The following TMEM9B variants were observed in gnomAD, a reference collection of about 807,000 sequenced individuals.
TMEM9B encodes transmembrane protein 9B.
Under a neutral mutation model 23.5 loss-of-function variants are expected in TMEM9B, and 8 were observed. The ratio of observed to expected loss-of-function variants is 0.34; its 90% confidence interval spans 0.20 to 0.61. The LOEUF is 0.61. Ranked by LOEUF, TMEM9B falls within the 20% of genes least tolerant of loss-of-function variation. The probability of loss-of-function intolerance (pLI) is 0.78; values close to 1 mark genes in which losing one functional copy is unlikely to be tolerated. For missense variants in TMEM9B, 197 were observed against 252.3 expected, an observed-to-expected ratio of 0.78 and a Z score of 1.49; for synonymous variants, 106 against 96.3, an observed-to-expected ratio of 1.10 and a Z score of -0.59.
At chr11:8,949,484 C>T (rs1162856090) in intron 4 of TMEM9B, among the ~76,000 whole-genome samples, 2 of 152,232 alleles carry the variant, frequency 1.3e-5, no homozygotes, top group East Asian at 3.8e-4. Flanking sequence ...ATCCAAGTCA[C>T]AAGTTGTACC....
At position 8,957,222 on chromosome 11, in the gene TMEM9B, C is replaced by T. The variant is rs1853991373; in HGVS notation, c.198-924G>A. Among the ~76,000 whole-genome samples the T allele has an allele frequency of 6.6e-6, 1 of 152,134 alleles. No individual in the cohort carries two copies. The highest frequency in any genetic ancestry group is 2.4e-5 in the African/African-American group (1 of 41,428). ...AACAAAAACTGGTTATTCCAAAGAA[C>T]TAAATAAAAACTAACAAAGGGATGA... is the stretch of plus-strand genomic sequence containing the variant. On this transcript the variant is annotated intron_variant, in intron 2 of 4. Transcript: ENST00000534025. This position sits in a 1 kb window ranked among gnomAD's most constrained non-coding sequence, Gnocchi z 4.3.
intron 4 of TMEM9B, among the ~76,000 whole-genome samples, chr11:8,950,164 A>C (rs1452907812): frequency 6.6e-6 from 1 of 152,208 alleles, no homozygotes; most frequent in East Asian, 1.9e-4. Flanking sequence ...GGCAGGCTAA[A>C]GTTATAGAAT....
At chr11:8,962,297 A>AG in intron 1 of TMEM9B, 114 bp from the exon 2 acceptor site, 1 of 651,164 alleles carries the variant, frequency 1.5e-6, no homozygotes, top group Non-Finnish European at 2.6e-6. Flanking sequence ...AGTATTCTAA[A>AG]ATCATTCATT....
At chr11:8,964,538 C>T (rs1364357565), upstream of TMEM9B, 2 of 1,315,468 alleles carry the variant, frequency 1.5e-6, no homozygotes, top group South Asian at 1.7e-5. Flanking sequence ...GCTGGGCAGT[C>T]CTGGTGCCCG....
intron 2 of TMEM9B, among the ~76,000 whole-genome samples, chr11:8,958,108 G>A (rs574563460): frequency 2.8e-5 from 4 of 141,758 alleles, no homozygotes; most frequent in South Asian, 2.4e-4. Context: ...ACGGTCAGCC[G>A]AGATCGTGCC....
chr11:8,962,196 T>C lies in TMEM9B; in HGVS notation c.106-13A>G, dbSNP rs2134877878. On this transcript the variant is annotated splice_polypyrimidine_tract_variant and intron_variant, in intron 1 of 4. Coordinates refer to ENST00000534025, the MANE Select transcript of TMEM9B (RefSeq NM_020644.3). ...CATCCTCGAAATTCTGTAACCAAAA[T>C]GGAAACAGTATAGTGCGTTGACAGT... 2 of 1,566,440 alleles carry C rather than the reference T, an allele frequency of 1.3e-6. No individual in the cohort carries two copies. The highest frequency in any genetic ancestry group is 1.7e-6 in the Non-Finnish European group (2 of 1,145,746).
chr11:8,962,655 C>G (rs1437341523), intron 1 of TMEM9B: 1 of 157,292 alleles, frequency 6.4e-6, no homozygotes, highest in Non-Finnish European at 1.4e-5. Context: ...CGGGTTGGGC[C>G]AGAGTCCCGT....
At chr11:8,954,374 C>T (rs1002418035) in intron 3 of TMEM9B, among the ~76,000 whole-genome samples, 1 of 151,902 alleles carries the variant, frequency 6.6e-6, no homozygotes, top group Non-Finnish European at 1.5e-5. Context: ...ACTGCAACCT[C>T]TGCCTCCAGG....
At chr11:8,958,136 G>C (rs1653670020) in intron 2 of TMEM9B, among the ~76,000 whole-genome samples, 1 of 129,370 alleles carries the variant, frequency 7.7e-6, no homozygotes, top group Non-Finnish European at 1.6e-5. Context: ...TCCAGCCTGG[G>C]CAATGACAGC....
rs545906140 is a variant in TMEM9B, at chr11:8,957,078, G to T, written c.198-780C>A. Among the ~76,000 whole-genome samples, 13 of 152,142 alleles carry T rather than the reference G, an allele frequency of 8.5e-5. No individual in the cohort carries two copies. The highest frequency in any genetic ancestry group is 1.9e-4 in the Non-Finnish European group (13 of 68,036). ...ATGACTAACCACGTTTAACAGCGTG[G>T]TAAATTCTGAAACTCTGAAAATTGA... is the stretch of plus-strand genomic sequence containing the variant. On this transcript the variant is annotated intron_variant, in intron 2 of 4. Transcript: ENST00000534025. The surrounding 1 kb of genome is among the most constrained non-coding windows in gnomAD (Gnocchi z 4.3).
chr11:8,964,375 A>AGGCTCG lies in TMEM9B; in HGVS notation c.-63_-62insCGAGCC. The AGGCTCG allele has an allele frequency of 6.7e-7, 1 of 1,490,118 alleles. No individual in the cohort carries two copies. Among genetic ancestry groups the AGGCTCG allele is most frequent in the East Asian group, 2.6e-5 (1 of 39,136 alleles). The allele number at this position is 1,490,118 out of a possible 1,614,324, so 92.3% of individuals were successfully genotyped here. ...CGCGACCGGCTCCCGGCTCGGGCTCAGGCTCAGGCTCAGGCTCAGGCACAG... is the reference window on the plus strand; with the variant it reads ...CGCGACCGGCTCCCGGCTCGGGCTCAGGCTCGGGCTCAGGCTCAGGCTCAGGCACAG... On this transcript the variant is annotated 5_prime_UTR_variant, in exon 1 of 5. Transcript: ENST00000534025.
chr11:8,948,111 GCTGA>G lies in TMEM9B; in HGVS notation c.*205_*208del, dbSNP rs2134857206. 2.1e-6 allele frequency: 1 copy of G among 480,744 alleles called. No homozygotes were observed. Among genetic ancestry groups the G allele is most frequent in the East Asian group, 3.5e-5 (1 of 28,388 alleles). 29.8% of individuals were successfully genotyped at this position (480,744 alleles called of 1,614,324 possible). A position where few individuals can be genotyped will look rare whatever the true frequency, so the allele number is the denominator to read the frequency against. On this transcript the variant is annotated 3_prime_UTR_variant, in exon 5 of 5. Transcript: ENST00000534025. Reference sequence around the variant, plus strand: ...GTCACAAATAGGAAAAGACTTATTGGCTGACTTTGAGCTGTGTGCTTTTAAAAAT... The same window carrying G: ...GTCACAAATAGGAAAAGACTTATTGGCTTTGAGCTGTGTGCTTTTAAAAAT...
intron 1 of TMEM9B, among the ~76,000 whole-genome samples, chr11:8,963,112 G>C (rs1330728219): frequency 1.3e-5 from 2 of 152,158 alleles, no homozygotes; most frequent in African/African-American, 4.8e-5. Flanking sequence ...CCCTAGTAAA[G>C]GAGACTGAAA....
chr11:8,962,049 C>A, intron 2 of TMEM9B, 43 bp downstream of exon 2: 1 of 1,294,178 alleles, frequency 7.7e-7, no homozygotes, highest in Non-Finnish European at 1.1e-6. Flanking sequence ...CTGACAACCA[C>A]AGAAACAAAT....
At position 8,960,316 on chromosome 11, in the gene TMEM9B, A is replaced by G. The variant is rs542979367; in HGVS notation, c.197+1776T>C. ...GCCACCATGCCCAGCTAATTTTTAT[A>G]TTTTTAGTAGAGTCGGGGTTTCACC... On this transcript the variant is annotated intron_variant, in intron 2 of 4. Transcript: ENST00000534025. Among the ~76,000 whole-genome samples, 10 of 151,714 alleles carry G rather than the reference A, an allele frequency of 6.6e-5. No individual in the cohort carries two copies. In the South Asian group the frequency reaches 1.9e-3, roughly 28 times the overall value.
At chr11:8,958,181 G>T (rs1306198442) in intron 2 of TMEM9B, among the ~76,000 whole-genome samples, 1 of 112,692 alleles carries the variant, frequency 8.9e-6, no homozygotes, top group Non-Finnish European at 1.8e-5. Context: ...AAAAAAAAAA[G>T]GCCGGGTGTG....
intron 2 of TMEM9B, among the ~76,000 whole-genome samples, chr11:8,958,417 G>A (rs1378176261): frequency 1.1e-4 from 16 of 151,056 alleles, no homozygotes; most frequent in African/African-American, 1.7e-4. Context: ...AGCCGAGATC[G>A]CGCCATTGCA....
intron 4 of TMEM9B, among the ~76,000 whole-genome samples, chr11:8,949,649 G>A (rs975895899): frequency 1.3e-5 from 2 of 152,204 alleles, no homozygotes; most frequent in Admixed American, 6.5e-5. Context: ...AATTATAGGA[G>A]TTAGAACACC....
rs2134856074 is a variant in TMEM9B, at chr11:8,947,272, G to T, written c.*1048C>A. 1 of 152,672 alleles carries T rather than the reference G, an allele frequency of 6.5e-6. No individual in the cohort carries two copies. Among genetic ancestry groups the T allele is most frequent in the South Asian group, 2.1e-4 (1 of 4,822 alleles). 9.5% of individuals were successfully genotyped at this position (152,672 alleles called of 1,614,324 possible). On this transcript the variant is annotated 3_prime_UTR_variant, in exon 5 of 5. Transcript: ENST00000534025. Reference sequence around the variant, plus strand: ...AAGAGGGAGGAGGAAAAAACTAGGAGACATAGATAGATACACTGATGGATG... The same window carrying T: ...AAGAGGGAGGAGGAAAAAACTAGGATACATAGATAGATACACTGATGGATG...
Sources: gnomAD v4.1 joint callset for allele counts (sites outside exome capture counted in the v4.1 genomes callset) on GRCh38, gnomAD v4.1.1 for gene constraint, Gnocchi (gnomAD v3.1) non-coding constraint, MANE v1.5 for transcripts, NCBI Gene and HGNC (gene_info 2026-07-23, HGNC 2026-07-21) for gene names.